Variants in LRRC69 observed in about 807,000 individuals in gnomAD.
LRRC69 encodes the protein leucine-rich repeat-containing protein 69.
LRRC69 carries 42 observed loss-of-function variants against 37.8 expected under a neutral mutation model. The ratio of observed to expected loss-of-function variants is 1.11; its 90% CI spans 0.87 to 1.44. LRRC69 has a LOEUF of 1.44. Among genes scored for constraint, LRRC69 ranks in the 40% most tolerant of loss-of-function variants. The pLI, the probability that LRRC69 is intolerant of heterozygous loss-of-function variation, is 0.00. For missense variants in LRRC69, 357 were observed against 401.9 expected, an observed-to-expected ratio of 0.89 and a Z score of 0.96; for synonymous variants, 141 against 143.1, an observed-to-expected ratio of 0.99 and a Z score of 0.11.
chr8:91,122,288 T>A (rs1341127946), intron 1 of LRRC69, among the ~76,000 whole-genome samples: 1 of 152,022 alleles, frequency 6.6e-6, no homozygotes. Context: ...TGGCTTTGTT[T>A]TGGACCAATT....
At chr8:91,148,198 C>T (rs925148321) in intron 5 of LRRC69, among the ~76,000 whole-genome samples, 2 of 151,758 alleles carry the variant, frequency 1.3e-5, no homozygotes, top group African/African-American at 2.4e-5. Flanking sequence ...TGTCATTTAA[C>T]ATTAGGTATA....
intron 5 of LRRC69, among the ~76,000 whole-genome samples, chr8:91,153,056 A>G (rs1158423475): frequency 6.6e-6 from 1 of 151,430 alleles, no homozygotes; most frequent in Non-Finnish European, 1.5e-5. Context: ...TGGCAAGCAG[A>G]TAAAAGCAGA....
At chr8:91,177,854 T>C (rs1809260043) in intron 5 of LRRC69, among the ~76,000 whole-genome samples, 1 of 149,382 alleles carries the variant, frequency 6.7e-6, no homozygotes, top group Non-Finnish European at 1.5e-5. Flanking sequence ...GCTTTTCTTT[T>C]TTTTTTTTTT....
At chr8:91,211,243 G>A (rs1048573642) in intron 7 of LRRC69, among the ~76,000 whole-genome samples, 1 of 151,854 alleles carries the variant, frequency 6.6e-6, no homozygotes, top group Non-Finnish European at 1.5e-5. Flanking sequence ...ATGGATTCTA[G>A]CGTTATTAAA....
At chr8:91,129,834 T>TTGCTTC (rs1289004969) in intron 3 of LRRC69, among the ~76,000 whole-genome samples, 1 of 152,040 alleles carries the variant, frequency 6.6e-6, no homozygotes, top group East Asian at 1.9e-4. Context: ...TCTTTTGCTT[T>TTGCTTC]TGCTTCCTGT....
intron 5 of LRRC69, among the ~76,000 whole-genome samples, chr8:91,138,238 C>T (rs796979286): frequency 1.3e-5 from 2 of 152,026 alleles, no homozygotes; most frequent in African/African-American, 4.8e-5. Context: ...ATCATCTACT[C>T]TCTACTGGTG....
chr8:91,164,086 T>G (rs1808989491), intron 5 of LRRC69, among the ~76,000 whole-genome samples: 1 of 151,422 alleles, frequency 6.6e-6, no homozygotes, highest in South Asian at 2.1e-4. Context: ...TTCTTAAGAT[T>G]TTTATGAAGT....
intron 2 of LRRC69, 49 bp from the exon 3 acceptor site, chr8:91,127,038 TA>T: frequency 2.8e-6 from 4 of 1,421,174 alleles, no homozygotes; most frequent in African/African-American, 1.4e-5. Context: ...GAAAAGTGAC[TA>T]AAAATTATCT....
intron 1 of LRRC69, among the ~76,000 whole-genome samples, chr8:91,107,228 A>G (rs1227771658): frequency 6.6e-6 from 1 of 151,690 alleles, no homozygotes; most frequent in Admixed American, 6.6e-5. Flanking sequence ...TCCGCCTCCC[A>G]GGTTCAAGTG....
At chr8:91,157,511 A>T in intron 5 of LRRC69, 1 of 1,556,986 alleles carries the variant, frequency 6.4e-7, no homozygotes, top group Admixed American at 1.7e-5. Flanking sequence ...GTAGACAAGG[A>T]GTTCTATTTG....
At chr8:91,208,990 T>C (rs1482590803) in intron 7 of LRRC69, among the ~76,000 whole-genome samples, 2 of 152,182 alleles carry the variant, frequency 1.3e-5, no homozygotes, top group Non-Finnish European at 2.9e-5. Context: ...TACTCTAATA[T>C]GGGCTCAAGA....
intron 7 of LRRC69, chr8:91,209,468 TA>T (rs1416358867): frequency 7.9e-6 from 1 of 126,924 alleles, no homozygotes; most frequent in Non-Finnish European, 1.7e-5. Context: ...AATAAATAAA[TA>T]AAAAAGCCTG....
intron 6 of LRRC69, among the ~76,000 whole-genome samples, chr8:91,199,467 C>A (rs1809677419): frequency 6.6e-6 from 1 of 152,026 alleles, no homozygotes; most frequent in African/African-American, 2.4e-5. Flanking sequence ...ATGGACACAG[C>A]AATTTATAAG....
At chr8:91,179,473 G>C (rs1173314215) in intron 5 of LRRC69, among the ~76,000 whole-genome samples, 1 of 152,128 alleles carries the variant, frequency 6.6e-6, no homozygotes, top group East Asian at 1.9e-4. Context: ...CTCCCACCAA[G>C]TCCCACCTCC....
At chr8:91,212,062 T>C (rs1481126314) in intron 7 of LRRC69, among the ~76,000 whole-genome samples, 1 of 152,136 alleles carries the variant, frequency 6.6e-6, no homozygotes, top group African/African-American at 2.4e-5. Flanking sequence ...AATGCTATAG[T>C]TCTGCCATCA....
At chr8:91,199,003 T>C (rs1413910867) in intron 6 of LRRC69, among the ~76,000 whole-genome samples, 3 of 152,126 alleles carry the variant, frequency 2.0e-5, no homozygotes, top group Admixed American at 1.3e-4. Flanking sequence ...GCAACAAACA[T>C]GTTTGGGTCC....
At chr8:91,156,531 C>T (rs895513963) in intron 5 of LRRC69, among the ~76,000 whole-genome samples, 7 of 150,994 alleles carry the variant, frequency 4.6e-5, no homozygotes, top group African/African-American at 1.5e-4. Flanking sequence ...GTTATCTCTT[C>T]ACTCAGTTGA....
At chr8:91,163,177 C>T (rs1808974449) in intron 5 of LRRC69, among the ~76,000 whole-genome samples, 1 of 151,432 alleles carries the variant, frequency 6.6e-6, no homozygotes, top group East Asian at 1.9e-4. Flanking sequence ...AGCCTCTACT[C>T]TATGACATCA....
chr8:91,212,293 T>C (rs1037508132), intron 7 of LRRC69, among the ~76,000 whole-genome samples: 4 of 152,138 alleles, frequency 2.6e-5, no homozygotes, highest in African/African-American at 9.6e-5. Flanking sequence ...GCCCAAGATA[T>C]GCATTTAATA....
Sources: allele counts gnomAD v4.1 joint callset (sites outside exome capture counted in the v4.1 genomes callset), GRCh38; gene constraint gnomAD v4.1.1; transcripts MANE v1.5; gene names NCBI Gene and HGNC (gene_info 2026-07-23, HGNC 2026-07-21).